The following AUTS2 variants were observed in gnomAD, a reference collection of about 807,000 sequenced individuals.
The protein encoded by AUTS2 is autism susceptibility gene 2 protein.
A neutral mutation model predicts 112.4 loss-of-function variants in AUTS2; 17 were observed. That is an observed-to-expected ratio of 0.15 (90% confidence interval 0.10 to 0.23). The LOEUF (loss-of-function observed/expected upper bound fraction) is 0.23, where lower values mean the gene tolerates loss of function less well. AUTS2 is among the 10% of genes least tolerant of loss of function. The probability of loss-of-function intolerance (pLI) is 1.00; values close to 1 mark genes in which losing one functional copy is unlikely to be tolerated. For synonymous variants in AUTS2, 751 were observed against 702.7 expected (o/e 1.07, Z -1.09); for missense variants, 1,510 against 1,701.6 (o/e 0.89, Z 1.98).
intron 6 of AUTS2, among the ~76,000 whole-genome samples, chr7:70,709,090 T>G (rs1325622193): frequency 6.6e-6 from 1 of 151,802 alleles, no homozygotes; most frequent in Non-Finnish European, 1.5e-5. Flanking sequence ...GCTAATTTTT[T>G]GTATTTGTAG....
intron 1 of AUTS2, among the ~76,000 whole-genome samples, chr7:69,757,660 C>A (rs1027592030): frequency 1.3e-5 from 2 of 152,078 alleles, no homozygotes; most frequent in Admixed American, 1.3e-4. Context: ...GAAATTGTTA[C>A]CCCCTCCTTG....
intron 5 of AUTS2, among the ~76,000 whole-genome samples, chr7:70,563,594 TGAG>T (rs1405698796): frequency 6.6e-6 from 1 of 152,180 alleles, no homozygotes; most frequent in Non-Finnish European, 1.5e-5. Context: ...GGGTAGAGAA[TGAG>T]GAGAAGAGCC....
At chr7:69,823,559 A>G (rs1448140079) in intron 1 of AUTS2, among the ~76,000 whole-genome samples, 1 of 152,116 alleles carries the variant, frequency 6.6e-6, no homozygotes, top group African/African-American at 2.4e-5. Context: ...TTTTCAGCTT[A>G]CTCGTTTGTG....
chr7:70,214,493 C>T (rs1562791784), intron 4 of AUTS2, among the ~76,000 whole-genome samples: 1 of 152,196 alleles, frequency 6.6e-6, no homozygotes, highest in Non-Finnish European at 1.5e-5. Context: ...CCACAAAACA[C>T]TCAGTCACAC....
In AUTS2 at chr7:69,848,136, C is replaced by A. The variant is rs145784435; in HGVS notation, c.310-51150C>A. 2.0e-3 allele frequency among the ~76,000 whole-genome samples: 299 copies of A among 152,264 alleles called. 1 individual carries two copies. Among genetic ancestry groups the A allele is most frequent in the African/African-American group, 6.9e-3 (285 of 41,554 alleles). On this transcript the variant is annotated intron_variant, in intron 1 of 18. Coordinates refer to ENST00000342771, the MANE Select transcript of AUTS2 (RefSeq NM_015570.4). ...CTGTAAGCCACAGGTGGCCCTCATA[C>A]CCTCATAGGAATAGGGACCTTCTTC...
chr7:70,307,528 A>G (rs1436552596), intron 4 of AUTS2, among the ~76,000 whole-genome samples: 1 of 152,230 alleles, frequency 6.6e-6, no homozygotes, highest in East Asian at 1.9e-4. Context: ...AGTTTTTCTT[A>G]TGTGCCAGAC....
chr7:70,290,230 C>A, intron 4 of AUTS2: 1 of 889,256 alleles, frequency 1.1e-6, no homozygotes, highest in Non-Finnish European at 1.6e-6. Flanking sequence ...TTATGTTTTT[C>A]TGTGTAAAGG....
At chr7:69,959,891 G>C (rs1025772886) in intron 2 of AUTS2, among the ~76,000 whole-genome samples, 1 of 152,096 alleles carries the variant, frequency 6.6e-6, no homozygotes, top group African/African-American at 2.4e-5. Flanking sequence ...AACTGAGCTA[G>C]AGAATATATG....
intron 1 of AUTS2, among the ~76,000 whole-genome samples, chr7:69,864,203 T>A (rs1387695800): frequency 2.6e-5 from 4 of 152,214 alleles, no homozygotes; most frequent in African/African-American, 4.8e-5. Context: ...AGATTTTAAA[T>A]TCAAATTCTC....
chr7:69,716,078 G>A (rs1007779002), intron 1 of AUTS2, among the ~76,000 whole-genome samples: 2 of 152,142 alleles, frequency 1.3e-5, no homozygotes, highest in African/African-American at 4.8e-5. Flanking sequence ...AATTCTTGGG[G>A]ACCCTGAGTT....
intron 1 of AUTS2, among the ~76,000 whole-genome samples, chr7:69,720,052 A>T (rs1201785013): frequency 1.3e-5 from 2 of 152,350 alleles, no homozygotes; most frequent in East Asian, 3.9e-4. Flanking sequence ...GTGAGCATAG[A>T]AGTAGTCCAA....
chr7:70,020,184 A>T (rs1800208359), intron 2 of AUTS2, among the ~76,000 whole-genome samples: 1 of 152,102 alleles, frequency 6.6e-6, no homozygotes, highest in South Asian at 2.1e-4. Flanking sequence ...TGGCACTTAT[A>T]CCTCTCCCCA....
chr7:69,611,726 C>T (rs962648561), intron 1 of AUTS2, among the ~76,000 whole-genome samples: 1 of 150,560 alleles, frequency 6.6e-6, no homozygotes, highest in African/African-American at 2.4e-5. Context: ...GTCAGGAGAT[C>T]GAGACCATCC....
intron 5 of AUTS2, among the ~76,000 whole-genome samples, chr7:70,620,958 C>T (rs991049656): frequency 9.2e-5 from 14 of 152,192 alleles, no homozygotes; most frequent in Middle Eastern, 3.2e-3. Flanking sequence ...AGCTGAGCAG[C>T]GACAGGAGCA....
At chr7:70,561,786 C>T (rs538211433) in intron 5 of AUTS2, among the ~76,000 whole-genome samples, 1 of 152,074 alleles carries the variant, frequency 6.6e-6, no homozygotes, top group Non-Finnish European at 1.5e-5. Flanking sequence ...AAATCCTTTC[C>T]GGGGGTCCTG....
chr7:70,741,150 C>T (rs1427549235), intron 6 of AUTS2, among the ~76,000 whole-genome samples: 1 of 151,320 alleles, frequency 6.6e-6, no homozygotes, highest in African/African-American at 2.4e-5. Flanking sequence ...GACTGTTGAT[C>T]TGTTCTTTGA....
intron 2 of AUTS2, among the ~76,000 whole-genome samples, chr7:69,933,122 T>C (rs1796284256): frequency 6.6e-6 from 1 of 152,220 alleles, no homozygotes; most frequent in South Asian, 2.1e-4. Context: ...TAGATTTCAA[T>C]AAACTATTAT....
intron 4 of AUTS2, among the ~76,000 whole-genome samples, chr7:70,258,806 A>T (rs1371250406): frequency 6.6e-6 from 1 of 152,172 alleles, no homozygotes; most frequent in African/African-American, 2.4e-5. Flanking sequence ...TCTAAGACAG[A>T]GGGACTCTAA....
At chr7:70,460,903 C>G (rs1246073697) in intron 5 of AUTS2, among the ~76,000 whole-genome samples, 1 of 152,146 alleles carries the variant, frequency 6.6e-6, no homozygotes. Context: ...AAATCACAGA[C>G]ACATGGAATG....
Sources: gnomAD v4.1 joint callset for allele counts (sites outside exome capture counted in the v4.1 genomes callset) on GRCh38, gnomAD v4.1.1 for gene constraint, MANE v1.5 for transcripts, NCBI Gene and HGNC (gene_info 2026-07-23, HGNC 2026-07-21) for gene names.